Variants in PAAF1 observed in about 807,000 individuals in gnomAD.
The protein encoded by PAAF1 is proteasomal ATPase-associated factor 1.
Under a neutral mutation model 52.8 loss-of-function variants are expected in PAAF1, and 46 were observed. The ratio of observed to expected loss-of-function variants is 0.87; its 90% CI spans 0.69 to 1.11. The LOEUF is 1.11. Ranked by LOEUF, PAAF1 falls within the 50% of genes most tolerant of loss-of-function variation. PAAF1 has a pLI of 0.00. For missense variants in PAAF1, 424 were observed against 477.4 expected (o/e 0.89, Z 1.04); for synonymous variants, 178 against 172.8 (o/e 1.03, Z -0.24).
intron 4 of PAAF1, among the ~76,000 whole-genome samples, chr11:73,898,654 C>A (rs758983903): frequency 5.9e-5 from 9 of 152,110 alleles, no homozygotes; most frequent in Non-Finnish European, 1.2e-4. Context: ...CTGTCTCTAC[C>A]GAAAAATACA....
At chr11:73,910,809 T>C (rs986402446) in intron 7 of PAAF1, among the ~76,000 whole-genome samples, 2 of 151,836 alleles carry the variant, frequency 1.3e-5, no homozygotes, top group African/African-American at 4.8e-5. Flanking sequence ...GCCAACATAG[T>C]GAAACCCCAT....
chr11:73,914,371 G>T, intron 7 of PAAF1, 42 bp from the exon 8 acceptor site: 2 of 1,570,548 alleles, frequency 1.3e-6, no homozygotes, highest in South Asian at 2.2e-5. Flanking sequence ...ACTACCAGCT[G>T]ATCAGCCTCA....
intron 2 of PAAF1, chr11:73,886,882 G>A: frequency 2.8e-6 from 1 of 353,450 alleles, no homozygotes; most frequent in South Asian, 2.1e-5. Flanking sequence ...TGTCCTCCCT[G>A]GAGAGTGAGA....
chr11:73,903,605 T>C (rs1771350535), intron 6 of PAAF1, among the ~76,000 whole-genome samples: 1 of 151,346 alleles, frequency 6.6e-6, no homozygotes, highest in African/African-American at 2.4e-5. Flanking sequence ...TAATCCTAGC[T>C]ACTTGGGAGT....
At chr11:73,881,480 G>T (rs1230515719) in intron 2 of PAAF1, among the ~76,000 whole-genome samples, 1 of 152,030 alleles carries the variant, frequency 6.6e-6, no homozygotes, top group Non-Finnish European at 1.5e-5. Context: ...TAGAGACAGG[G>T]TTTCACCATG....
chr11:73,900,143 A>T, intron 5 of PAAF1, 127 bp from the exon 6 acceptor site: 2 of 969,408 alleles, frequency 2.1e-6, no homozygotes, highest in Non-Finnish European at 3.0e-6. Context: ...GGATATCCTT[A>T]GTTTTAAAAC....
At chr11:73,922,390 A>G (rs1300867297) in intron 10 of PAAF1, among the ~76,000 whole-genome samples, 1 of 152,150 alleles carries the variant, frequency 6.6e-6, no homozygotes, top group East Asian at 1.9e-4. Context: ...GTTAATTATA[A>G]AGGAAAAGCT....
intron 4 of PAAF1, among the ~76,000 whole-genome samples, chr11:73,896,287 CTTTTTTTCTT>C (rs1949358640): frequency 9.7e-6 from 1 of 102,776 alleles, no homozygotes; most frequent in African/African-American, 4.1e-5. Context: ...TTCTTTTTTT[CTTTTTTTCTT>C]TTTTATTTAT....
At chr11:73,908,295 G>GTATATATA (rs1565143546) in intron 6 of PAAF1, among the ~76,000 whole-genome samples, 13 of 144,242 alleles carry the variant, frequency 9.0e-5, no homozygotes, top group Non-Finnish European at 1.2e-4. Flanking sequence ...GTATATATAT[G>GTATATATA]TGTGTATATA....
intron 11 of PAAF1, among the ~76,000 whole-genome samples, chr11:73,925,536 A>T (rs966828391): frequency 6.6e-6 from 1 of 152,020 alleles, no homozygotes; most frequent in Admixed American, 6.6e-5. Flanking sequence ...TTACCTCACT[A>T]GTCTGTCAAT....
intron 1 of PAAF1, among the ~76,000 whole-genome samples, chr11:73,878,150 G>A (rs373003660): frequency 6.6e-6 from 1 of 152,286 alleles, no homozygotes; most frequent in South Asian, 2.1e-4. Context: ...CTAAAATACA[G>A]ACTAGTTGCT....
At chr11:73,919,141 C>T in intron 10 of PAAF1, 109 bp downstream of exon 10, 1 of 911,460 alleles carries the variant, frequency 1.1e-6, no homozygotes, top group East Asian at 2.5e-5. Context: ...CCCCATGATT[C>T]TTTGGCATAT....
At chr11:73,922,602 G>A (rs4944035) in intron 10 of PAAF1, among the ~76,000 whole-genome samples, 1,901 of 152,184 alleles carry the variant, frequency 0.012, 14 homozygotes, top group Non-Finnish European at 0.019. Context: ...CGGATCACGA[G>A]GTCAGGAGAT....
At chr11:73,883,660 G>C (rs1160723336) in intron 2 of PAAF1, among the ~76,000 whole-genome samples, 1 of 151,972 alleles carries the variant, frequency 6.6e-6, no homozygotes. Context: ...GGGATTACAG[G>C]CGCCTGCCAC....
At chr11:73,910,360 T>G (rs1792154) in intron 7 of PAAF1, among the ~76,000 whole-genome samples, 77,503 of 151,976 alleles carry the variant, frequency 0.51, 21,064 homozygotes, top group African/African-American at 0.72. Flanking sequence ...AGACAGTAAT[T>G]GTAAGGATAG....
intron 3 of PAAF1, 149 bp from the exon 4 acceptor site, chr11:73,890,963 T>C (rs1202734435): frequency 1.7e-6 from 1 of 572,156 alleles, no homozygotes; most frequent in Non-Finnish European, 3.1e-6. Flanking sequence ...GGGGGAGGGA[T>C]AGTTTTGTGG....
intron 5 of PAAF1, 149 bp from the exon 6 acceptor site, chr11:73,900,121 A>G (rs1949555930): frequency 2.6e-6 from 2 of 771,302 alleles, no homozygotes; most frequent in Admixed American, 2.7e-5. Context: ...CAAATGAGCT[A>G]AGAGATCCTT....
At chr11:73,909,082 C>T (rs1034655309) in intron 6 of PAAF1, among the ~76,000 whole-genome samples, 25 of 152,076 alleles carry the variant, frequency 1.6e-4, no homozygotes, top group Non-Finnish European at 2.9e-4. Flanking sequence ...CCACCACGCC[C>T]GACCTCTTAA....
In PAAF1 at chr11:73,891,178, T is replaced by C; in HGVS notation, c.259T>C (p.Phe87Leu). 4 of 1,578,840 alleles carry C rather than the reference T, an allele frequency of 2.5e-6. No homozygotes were observed. The South Asian group carries it at 4.5e-5, about 18-fold the overall frequency. Reference sequence around the variant, plus strand: ...TAAGTTTTTGGCACCATATACTACTTTTTCCAGAATTCATACAAAGAGTGT... The same window carrying C: ...TAAGTTTTTGGCACCATATACTACTCTTTCCAGAATTCATACAAAGAGTGT... ...SSKFLAPYTT[F>L]SRIHTKSITC... Residue 87 changes from phenylalanine to leucine, a missense_variant, in exon 4 of 12, where the codon TTT (phenylalanine) becomes CTT (leucine). Transcript: ENST00000310571.
Sources: gnomAD v4.1 joint callset for allele counts (sites outside exome capture counted in the v4.1 genomes callset) on GRCh38, gnomAD v4.1.1 for gene constraint, MANE v1.5 for transcripts, NCBI Gene and HGNC (gene_info 2026-07-23, HGNC 2026-07-21) for gene names.